NBAS: variants seen among roughly 807,000 people sequenced by gnomAD.
NBAS encodes the protein NBAS subunit of NRZ tethering complex.
NBAS carries 219 observed loss-of-function variants against 302.5 expected under a neutral mutation model. The observed-to-expected ratio is 0.72, with a 90% confidence interval of 0.65 to 0.81. The LOEUF is 0.81. NBAS is among the 30% of genes least tolerant of loss of function. The pLI is 0.00. For synonymous variants in NBAS, 1,118 were observed against 1,021.6 expected (o/e 1.09, Z -1.80); for missense variants, 2,932 against 2,841.6 (o/e 1.03, Z -0.72).
intron 19 of NBAS, among the ~76,000 whole-genome samples, chr2:15,465,923 T>C (rs1180769064): frequency 2.0e-5 from 3 of 152,188 alleles, no homozygotes; most frequent in African/African-American, 7.2e-5. Flanking sequence ...ATAAATTGTA[T>C]CTGTACAGAC....
At chr2:14,834,600 C>CAA in the NBAS span, among the ~76,000 whole-genome samples, 2 of 152,090 alleles carry the variant, frequency 1.3e-5, no homozygotes, top group Non-Finnish European at 2.9e-5. Flanking sequence ...AACTTACACA[C>CAA]AGGAAGACTA....
chr2:15,010,272 A>G, the NBAS span, among the ~76,000 whole-genome samples: 2 of 152,186 alleles, frequency 1.3e-5, no homozygotes, highest in South Asian at 4.1e-4. Context: ...ATATGAAAGA[A>G]CATATACATC....
the NBAS span, among the ~76,000 whole-genome samples, chr2:14,997,689 C>T: frequency 6.6e-6 from 1 of 152,120 alleles, no homozygotes; most frequent in Non-Finnish European, 1.5e-5. Flanking sequence ...TGTAAACTGT[C>T]ATCACCACGC....
the NBAS span, among the ~76,000 whole-genome samples, chr2:14,820,516 G>A: frequency 2.0e-5 from 3 of 152,158 alleles, no homozygotes; most frequent in Admixed American, 6.5e-5. Context: ...CCAGAGGCTG[G>A]AAAGTGTAGC....
the NBAS span, among the ~76,000 whole-genome samples, chr2:15,045,608 A>G: frequency 6.6e-5 from 10 of 152,344 alleles, no homozygotes; most frequent in Admixed American, 5.2e-4. Flanking sequence ...TAATCAATTC[A>G]TATGTCAACA....
the NBAS span, among the ~76,000 whole-genome samples, chr2:15,127,779 G>A: frequency 1.9e-3 from 290 of 152,222 alleles, 1 homozygote; most frequent in Middle Eastern, 3.4e-3. Context: ...GAAGGGGAAT[G>A]GCCTGAACAG....
chr2:15,486,116 A>G (rs1409884626), intron 12 of NBAS, among the ~76,000 whole-genome samples: 5 of 152,090 alleles, frequency 3.3e-5, no homozygotes, highest in African/African-American at 1.2e-4. Context: ...ACAGAGCCAC[A>G]ATGGGAATGG....
chr2:15,072,306 T>C, the NBAS span, among the ~76,000 whole-genome samples: 1 of 152,252 alleles, frequency 6.6e-6, no homozygotes, highest in Non-Finnish European at 1.5e-5. Context: ...TTTGTATTTA[T>C]TCTTCAGTGA....
chr2:15,049,938 C>T, the NBAS span, among the ~76,000 whole-genome samples: 2 of 152,190 alleles, frequency 1.3e-5, no homozygotes, highest in Non-Finnish European at 2.9e-5. Flanking sequence ...ACATGCTAGC[C>T]GCAGGTATCT....
At chr2:14,913,981 A>G in the NBAS span, among the ~76,000 whole-genome samples, 1 of 152,338 alleles carries the variant, frequency 6.6e-6, no homozygotes, top group Non-Finnish European at 1.5e-5. Context: ...AAAGAGGTTT[A>G]ATGGACTCAC....
chr2:14,947,421 A>G, the NBAS span, among the ~76,000 whole-genome samples: 1 of 152,278 alleles, frequency 6.6e-6, no homozygotes, highest in East Asian at 1.9e-4. Flanking sequence ...TCTAAAAGAA[A>G]CAAATAAATT....
At chr2:14,807,440 CGTGTGT>C in the NBAS span, among the ~76,000 whole-genome samples, 3 of 128,526 alleles carry the variant, frequency 2.3e-5, no homozygotes, top group Non-Finnish European at 4.7e-5. Flanking sequence ...TTTCAAATCC[CGTGTGT>C]GTGTGTGAGT....
chr2:15,450,307 C>T (rs1678946068), intron 21 of NBAS, among the ~76,000 whole-genome samples: 1 of 152,150 alleles, frequency 6.6e-6, no homozygotes, highest in Non-Finnish European at 1.5e-5. Context: ...TACACAAAGA[C>T]TCAGTATGTG....
chr2:15,339,418 C>A (rs1317960770), intron 35 of NBAS, among the ~76,000 whole-genome samples: 2 of 152,138 alleles, frequency 1.3e-5, no homozygotes, highest in African/African-American at 4.8e-5. Flanking sequence ...GGGTCCCATT[C>A]AACTATTCCT....
intron 12 of NBAS, chr2:15,483,415 T>C (rs1680509032): frequency 2.6e-6 from 1 of 385,950 alleles, no homozygotes; most frequent in African/African-American, 2.1e-5. Context: ...AGACATAAGT[T>C]TGTATTCCAT....
intron 11 of NBAS, among the ~76,000 whole-genome samples, chr2:15,498,841 C>T (rs1373600844): frequency 6.6e-6 from 1 of 152,024 alleles, no homozygotes; most frequent in African/African-American, 2.4e-5. Context: ...TTTCCAGAGG[C>T]CTCCCAGTCA....
intron 47 of NBAS, among the ~76,000 whole-genome samples, chr2:15,222,127 TG>T (rs1019682668): frequency 3.9e-5 from 6 of 152,212 alleles, no homozygotes; most frequent in African/African-American, 1.2e-4. Context: ...TATAACTAAG[TG>T]CTTCAATTAA....
intron 45 of NBAS, among the ~76,000 whole-genome samples, chr2:15,235,759 T>C (rs548536079): frequency 5.3e-4 from 80 of 152,296 alleles, no homozygotes; most frequent in Non-Finnish European, 1.0e-3. Flanking sequence ...GCATGAAGAT[T>C]GGGCACGTTC....
At chr2:15,528,392 C>T (rs1428199947) in intron 9 of NBAS, among the ~76,000 whole-genome samples, 1 of 147,124 alleles carries the variant, frequency 6.8e-6, no homozygotes, top group Admixed American at 6.8e-5. Context: ...TTTACATATA[C>T]AATATGAATG....
Sources: allele counts gnomAD v4.1 joint callset (sites outside exome capture counted in the v4.1 genomes callset), GRCh38; gene constraint gnomAD v4.1.1; transcripts MANE v1.5; gene names NCBI Gene and HGNC (gene_info 2026-07-23, HGNC 2026-07-21).